BOK: variants seen among roughly 807,000 people sequenced by gnomAD.
BOK encodes BCL2 family apoptosis regulator BOK, also known as bcl-2-related ovarian killer protein.
A neutral mutation model predicts 18.3 loss-of-function variants in BOK; 20 were observed. That is an observed-to-expected ratio of 1.09 (90% CI 0.77 to 1.59). BOK has a LOEUF of 1.59. Ranked by LOEUF, BOK falls within the 40% of genes most tolerant of loss-of-function variation. The pLI is 0.00. For missense variants in BOK, 348 were observed against 307.9 expected (o/e 1.13, Z -0.97); for synonymous variants, 173 against 142.4 (o/e 1.21, Z -1.53).
At position 241,567,066 on chromosome 2, in the gene BOK, A is replaced by T. The variant is rs1207489745; in HGVS notation, c.350-3059A>T. On this transcript the variant is annotated intron_variant, in intron 3 of 4. Coordinates refer to ENST00000318407, the MANE Select transcript of BOK (RefSeq NM_032515.5). ...TGGACGCCGAGGCTGGTGCCTCCGG[A>T]CTCCTGTCTTCCTGTCTTTCTTTCC... is the stretch of plus-strand genomic sequence containing the variant. 2.3e-5 allele frequency among the ~76,000 whole-genome samples: 3 copies of T among 132,302 alleles called. 1 individual carries two copies. Among genetic ancestry groups the T allele is most frequent in the Non-Finnish European group, 4.8e-5 (3 of 62,266 alleles). The allele number at this position is 132,302 out of a possible 152,430, so 86.8% of individuals were successfully genotyped here.
At position 241,562,549 on chromosome 2, in the gene BOK, CCCA is replaced by C; in HGVS notation, c.349+75_349+77del. 1 of 1,508,808 alleles carries C rather than the reference CCCA, an allele frequency of 6.6e-7. No homozygotes were observed. Among genetic ancestry groups the C allele is most frequent in the Non-Finnish European group, 8.8e-7 (1 of 1,131,342 alleles). The allele number at this position is 1,508,808 out of a possible 1,614,324, so 93.5% of individuals were successfully genotyped here. ...GTCTGTGGCTCAGGCTCACAGGGAC[CCCA>C]CGAGCTGGCCCCCACCCATCCTGGC... On this transcript the variant is annotated intron_variant, in intron 3 of 4. Transcript: ENST00000318407. This position sits in a 1 kb window ranked among gnomAD's most constrained non-coding sequence, Gnocchi z 4.5.
upstream of BOK, among the ~76,000 whole-genome samples, chr2:241,558,416 C>T (rs140724978): frequency 3.9e-5 from 6 of 152,336 alleles, no homozygotes; most frequent in African/African-American, 1.4e-4. Context: ...TTTGCAATAA[C>T]TTCAATAAAT....
intron 3 of BOK, among the ~76,000 whole-genome samples, chr2:241,566,492 T>C (rs1365454956): frequency 2.0e-5 from 3 of 151,884 alleles, no homozygotes; most frequent in Non-Finnish European, 4.4e-5. Context: ...ATTATTTATA[T>C]TATTAGCAGA....
Position 241,573,233 on chromosome 2 carries a change from C to T in BOK, c.*811C>T, listed in dbSNP as rs1309088197. On this transcript the variant is annotated 3_prime_UTR_variant, in exon 5 of 5. Coordinates refer to ENST00000318407, the MANE Select transcript of BOK (RefSeq NM_032515.5). ...GAGCCCCCGGTGAAGGGGCCCGGAA[C>T]ACTTGCTCTCACCTGAGCCCCAGGT... The T allele has an allele frequency of 7.4e-6, 1 of 134,524 alleles. No homozygotes were observed. The highest frequency in any genetic ancestry group is 1.6e-5 in the Non-Finnish European group (1 of 61,126). 8.3% of individuals were successfully genotyped at this position (134,524 alleles called of 1,614,324 possible). A position where few individuals can be genotyped will look rare whatever the true frequency, so the allele number is the denominator to read the frequency against.
chr2:241,562,934 C>T lies in BOK; in HGVS notation c.349+458C>T, dbSNP rs2066553762. 1.3e-5 allele frequency among the ~76,000 whole-genome samples: 2 copies of T among 152,168 alleles called. No individual in the cohort carries two copies. Among genetic ancestry groups the T allele is most frequent in the Non-Finnish European group, 2.9e-5 (2 of 68,038 alleles). ...ATGCTGCCAGGCTGTTAGGATATAC[C>T]CTCAGAAGTCACGGGTAACTCTGCT... On this transcript the variant is annotated intron_variant, in intron 3 of 4. Transcript: ENST00000318407. The surrounding 1 kb of genome is among the most constrained non-coding windows in gnomAD (Gnocchi z 4.5).
chr2:241,559,555 C>G lies in BOK; in HGVS notation c.72C>G (p.Asp24Glu), dbSNP rs1252562368. 6.5e-7 allele frequency: 1 copy of G among 1,528,746 alleles called. No individual in the cohort carries two copies. Among genetic ancestry groups the G allele is most frequent in the African/African-American group, 1.4e-5 (1 of 70,196 alleles). 94.7% of individuals were successfully genotyped at this position (1,528,746 alleles called of 1,614,324 possible). A position where few individuals can be genotyped will look rare whatever the true frequency, so the allele number is the denominator to read the frequency against. The change falls in exon 2 of 5, where the codon GAC becomes GAG. Residue 24 changes from aspartate to glutamate, a missense_variant. Physicochemically the swap from Asp to Glu is conservative, Grantham distance 45. Transcript: ENST00000318407. ...ACGCCTTTGACCGCTCGCCCACAGA[C>G]AAGGAGCTGGTGGCCCAGGCCAAGG... ...IMDAFDRSPTDKELVAQAKAL... is the reference protein window; with the variant it reads ...IMDAFDRSPTEKELVAQAKAL...
chr2:241,559,678 GGTGT>G lies in BOK; in HGVS notation c.197_200del (p.Val66AlafsTer13), dbSNP rs2066496645. 3.0e-5 allele frequency: 41 copies of G among 1,355,994 alleles called. No homozygotes were observed. Among genetic ancestry groups the G allele is most frequent in the Non-Finnish European group, 3.9e-5 (41 of 1,062,766 alleles). The allele number at this position is 1,355,994 out of a possible 1,614,324, so 84.0% of individuals were successfully genotyped here. Reference sequence around the variant, plus strand: ...CGCCGGTCCCGGGACGCCTGGCTGAGGTGTGCGCGGTGCTGCTGCGCCTGGGTGA... The same window carrying G: ...CGCCGGTCCCGGGACGCCTGGCTGAGGCGCGGTGCTGCTGCGCCTGGGTGA... On this transcript the variant is annotated frameshift_variant, in exon 2 of 5. Coordinates refer to ENST00000318407, the MANE Select transcript of BOK (RefSeq NM_032515.5). LOFTEE classifies it high-confidence loss of function.
chr2:241,570,118 C>T lies in BOK; in HGVS notation c.350-7C>T, dbSNP rs376077971. 5.0e-6 allele frequency: 8 copies of T among 1,610,510 alleles called. No individual in the cohort carries two copies. The highest frequency in any genetic ancestry group is 1.3e-5 in the African/African-American group (1 of 74,808). On this transcript the variant is annotated splice_region_variant and splice_polypyrimidine_tract_variant and intron_variant, in intron 3 of 4. Transcript: ENST00000318407. ...AGTCCTGATCTTGACCATCTCTCTC[C>T]CTGCAGGCATCACGTGGGGCAAGGT...
chr2:241,557,699 T>C (rs1027765315), upstream of BOK, among the ~76,000 whole-genome samples: 4 of 152,210 alleles, frequency 2.6e-5, no homozygotes, highest in African/African-American at 9.6e-5. Context: ...GTCTTATTTT[T>C]CACTGTTCTT....
At chr2:241,571,666 G>A (rs987923715) in intron 4 of BOK, among the ~76,000 whole-genome samples, 7 of 152,326 alleles carry the variant, frequency 4.6e-5, no homozygotes, top group East Asian at 1.9e-4. Flanking sequence ...AGTGGGCGAC[G>A]ACACTTTGAG....
rs558572945 is a variant in BOK, at chr2:241,568,419, CATTT to C, written c.350-1697_350-1694del. ...ACAGGCGTGAGCCACCGCGCCCAGC[CATTT>C]ATTTATTTTTTTGAGATAGAATCTT... On this transcript the variant is annotated intron_variant, in intron 3 of 4. Transcript: ENST00000318407. Among the ~76,000 whole-genome samples, 3 of 152,002 alleles carry C rather than the reference CATTT, an allele frequency of 2.0e-5. No individual in the cohort carries two copies. In the South Asian group the frequency reaches 6.2e-4, roughly 32 times the overall value.
upstream of BOK, among the ~76,000 whole-genome samples, chr2:241,553,812 C>T (rs1280575561): frequency 3.3e-5 from 5 of 152,162 alleles, no homozygotes; most frequent in East Asian, 9.7e-4. Context: ...CAGGGTCTAG[C>T]GTTGCCAAGG....
At chr2:241,569,251 C>A (rs2066665663) in intron 3 of BOK, among the ~76,000 whole-genome samples, 1 of 152,234 alleles carries the variant, frequency 6.6e-6, no homozygotes, top group Non-Finnish European at 1.5e-5. Context: ...CCTGCTTCAG[C>A]CTCCCGAGTA....
upstream of BOK, among the ~76,000 whole-genome samples, chr2:241,556,979 A>T (rs1042886723): frequency 6.6e-6 from 1 of 152,214 alleles, no homozygotes; most frequent in Non-Finnish European, 1.5e-5. Flanking sequence ...GTTGTGTATC[A>T]TCTAAAATTT....
chr2:241,557,281 A>G (rs534826181), upstream of BOK, among the ~76,000 whole-genome samples: 51 of 148,608 alleles, frequency 3.4e-4, no homozygotes, highest in African/African-American at 1.2e-3. Context: ...GTGGAAGCTT[A>G]GAGCAGTAAT....
intron 2 of BOK, chr2:241,560,136 C>G (rs1029763544): frequency 9.4e-5 from 93 of 985,298 alleles, no homozygotes; most frequent in Admixed American, 1.2e-4. Context: ...CCGAGGCCCC[C>G]CCATTGGAAA....
At position 241,559,594 on chromosome 2, in the gene BOK, G is replaced by C. The variant is rs1398371401; in HGVS notation, c.111G>C (p.Glu37Asp). 6.7e-7 allele frequency: 1 copy of C among 1,501,254 alleles called. No homozygotes were observed. Among genetic ancestry groups the C allele is most frequent in the East Asian group, 2.8e-5 (1 of 35,680 alleles). 93.0% of individuals were successfully genotyped at this position (1,501,254 alleles called of 1,614,324 possible). Residue 37 changes from glutamate to aspartate, a missense_variant, in exon 2 of 5, where the codon GAG (glutamate) becomes GAC (aspartate). Physicochemically the swap from Glu to Asp is conservative, Grantham distance 45 (BLOSUM62 2). Coordinates refer to ENST00000318407, the MANE Select transcript of BOK (RefSeq NM_032515.5). ...CCCAGGCCAAGGCGCTGGGCCGGGA[G>C]TACGTGCACGCGCGGCTGCTGCGCG... ...LVAQAKALGR[E>D]YVHARLLRAG... is the part of the protein sequence containing the mutation.
chr2:241,551,472 C>T (rs1336493496), exon 1 of BOK: 1 of 152,272 alleles, frequency 6.6e-6, no homozygotes, highest in Non-Finnish European at 1.5e-5. Context: ...CCATCGCTCA[C>T]TGCAGGTAGG....
At chr2:241,554,493 G>A (rs939542052), upstream of BOK, among the ~76,000 whole-genome samples, 2 of 152,092 alleles carry the variant, frequency 1.3e-5, no homozygotes, top group Admixed American at 6.5e-5. Context: ...GGGCCCACCC[G>A]CTTCCACACC....
Sources: allele counts gnomAD v4.1 joint callset (sites outside exome capture counted in the v4.1 genomes callset), GRCh38; gene constraint gnomAD v4.1.1; non-coding constraint Gnocchi (gnomAD v3.1); transcripts MANE v1.5; gene names NCBI Gene and HGNC (gene_info 2026-07-23, HGNC 2026-07-21).